SHISAL1: variants seen among roughly 807,000 people sequenced by gnomAD.
SHISAL1 encodes shisa like 1.
Under a neutral mutation model 22.6 loss-of-function variants are expected in SHISAL1, and 9 were observed. The observed-to-expected ratio is 0.40, with a 90% CI of 0.24 to 0.70. The LOEUF (loss-of-function observed/expected upper bound fraction) is 0.70, where lower values mean the gene tolerates loss of function less well. Ranked by LOEUF, SHISAL1 falls within the 30% of genes least tolerant of loss-of-function variation. SHISAL1 has a pLI of 0.39. For missense variants in SHISAL1, 246 were observed against 270.6 expected (o/e 0.91, Z 0.64); for synonymous variants, 119 against 115.4 (o/e 1.03, Z -0.20).
intron 3 of SHISAL1, among the ~76,000 whole-genome samples, chr22:44,295,963 C>T (rs1301882336): frequency 6.6e-6 from 1 of 152,172 alleles, no homozygotes; most frequent in Non-Finnish European, 1.5e-5. Context: ...AGGAAAAGAA[C>T]TGCATGGGAT....
intron 4 of SHISAL1, among the ~76,000 whole-genome samples, chr22:44,266,811 CT>C (rs1437081036): frequency 6.6e-6 from 1 of 152,134 alleles, no homozygotes; most frequent in Non-Finnish European, 1.5e-5. Flanking sequence ...GTCAGCTCCC[CT>C]GGTCTCCAGG....
intron 4 of SHISAL1, among the ~76,000 whole-genome samples, chr22:44,274,132 G>C (rs898397718): frequency 2.9e-5 from 4 of 139,230 alleles, no homozygotes; most frequent in Non-Finnish European, 4.5e-5. Context: ...TGTAATCCCA[G>C]CTACTCGGGA....
chr22:44,299,819 CAG>C (rs1345905239), intron 2 of SHISAL1, among the ~76,000 whole-genome samples: 5 of 150,484 alleles, frequency 3.3e-5, no homozygotes, highest in Non-Finnish European at 7.4e-5. Flanking sequence ...CAGACATAGA[CAG>C]AGACAGAGAC....
chr22:44,320,716 G>A, the SHISAL1 span, among the ~76,000 whole-genome samples: 30 of 152,292 alleles, frequency 2.0e-4, no homozygotes, highest in Middle Eastern at 3.4e-3. Flanking sequence ...GGCTGTCCGG[G>A]GCTCGACCCC....
At chr22:44,319,025 G>C in the SHISAL1 span, among the ~76,000 whole-genome samples, 6 of 152,388 alleles carry the variant, frequency 3.9e-5, no homozygotes, top group South Asian at 1.2e-3. Flanking sequence ...AAAGGGTCCC[G>C]TTGTACCATG....
intron 4 of SHISAL1, among the ~76,000 whole-genome samples, chr22:44,280,443 G>A (rs983235529): frequency 7.2e-5 from 11 of 152,148 alleles, no homozygotes; most frequent in South Asian, 2.1e-4. Context: ...AGTCCCCAGC[G>A]TGGGAGTGAC....
rs574578687 is a variant in SHISAL1, at chr22:44,258,991, C to A, written c.*-9306G>T. Reference sequence around the variant, plus strand: ...GGTGTGACCAGCTCAACATTCTGGACCCAAGGGTTGGAAACCAGAATGAAG... The same window carrying A: ...GGTGTGACCAGCTCAACATTCTGGAACCAAGGGTTGGAAACCAGAATGAAG... On this transcript the variant is annotated intron_variant, in intron 4 of 4. Coordinates refer to ENST00000381176, the MANE Select transcript of SHISAL1 (RefSeq NM_001099294.2). 2.0e-4 allele frequency among the ~76,000 whole-genome samples: 31 copies of A among 152,158 alleles called. No individual in the cohort carries two copies. In the South Asian group the frequency reaches 6.4e-3, roughly 32 times the overall value.
intron 4 of SHISAL1, among the ~76,000 whole-genome samples, chr22:44,267,147 T>A (rs1312328636): frequency 6.6e-6 from 1 of 152,064 alleles, no homozygotes; most frequent in Non-Finnish European, 1.5e-5. Context: ...GCAGCCCACA[T>A]CCGAGGCCAG....
intron 3 of SHISAL1, among the ~76,000 whole-genome samples, chr22:44,286,548 C>T (rs1370562247): frequency 2.6e-5 from 4 of 152,162 alleles, no homozygotes; most frequent in Admixed American, 6.5e-5. Context: ...CTTTCCCTGC[C>T]CCCTTCCTCC....
rs972905837 is a variant in SHISAL1, at chr22:44,283,270, G to A, written c.599+2158C>T. Among the ~76,000 whole-genome samples, 4 of 152,320 alleles carry A rather than the reference G, an allele frequency of 2.6e-5. No homozygotes were observed. In the South Asian group the frequency reaches 6.2e-4, roughly 24 times the overall value. On this transcript the variant is annotated intron_variant, in intron 4 of 4. Coordinates refer to ENST00000381176, the MANE Select transcript of SHISAL1 (RefSeq NM_001099294.2). ...ACCTTCCTGAGCCTGCACTCAGGAC[G>A]GTCAGGAAAGACGAAGAGCCTCTGA... is the stretch of plus-strand genomic sequence containing the variant.
intron 4 of SHISAL1, among the ~76,000 whole-genome samples, chr22:44,252,566 C>A (rs1756583349): frequency 6.9e-6 from 1 of 145,096 alleles, no homozygotes; most frequent in East Asian, 2.0e-4. Context: ...ACAATGATGA[C>A]AGAACTAAGA....
At chr22:44,271,682 C>G (rs2055206472) in intron 4 of SHISAL1, among the ~76,000 whole-genome samples, 1 of 152,194 alleles carries the variant, frequency 6.6e-6, no homozygotes, top group African/African-American at 2.4e-5. Flanking sequence ...TCGCTCTGCC[C>G]TGCAAAGCCT....
chr22:44,312,456 C>T (rs886685192), intron 1 of SHISAL1, among the ~76,000 whole-genome samples: 10 of 152,174 alleles, frequency 6.6e-5, no homozygotes, highest in African/African-American at 1.7e-4. Flanking sequence ...GGCACAGAGA[C>T]GGTCAGCAAC....
chr22:44,253,832 C>CTGTGTG (rs61001074), intron 4 of SHISAL1, among the ~76,000 whole-genome samples: 23,155 of 149,172 alleles, frequency 0.16, 1,814 homozygotes, highest in East Asian at 0.22. Flanking sequence ...AATCTAACAA[C>CTGTGTG]TGTGTGTGTG....
At chr22:44,254,355 T>G (rs2055070107) in intron 4 of SHISAL1, among the ~76,000 whole-genome samples, 1 of 152,108 alleles carries the variant, frequency 6.6e-6, no homozygotes, top group African/African-American at 2.4e-5. Flanking sequence ...CTTTTTTTAA[T>G]GTTTAAATTA....
chr22:44,270,533 G>A (rs911687672), intron 4 of SHISAL1, among the ~76,000 whole-genome samples: 4 of 152,166 alleles, frequency 2.6e-5, no homozygotes, highest in African/African-American at 9.7e-5. Context: ...GGTCCAGAGG[G>A]GGACCTTGGA....
chr22:44,257,658 A>G (rs567361733), intron 4 of SHISAL1, among the ~76,000 whole-genome samples: 1 of 152,356 alleles, frequency 6.6e-6, no homozygotes, highest in South Asian at 2.1e-4. Context: ...AAGCCATCAA[A>G]TCAGCCAAAC....
At chr22:44,304,673 A>C (rs1196749233) in intron 1 of SHISAL1, among the ~76,000 whole-genome samples, 1 of 152,192 alleles carries the variant, frequency 6.6e-6, no homozygotes, top group Non-Finnish European at 1.5e-5. Flanking sequence ...GAGGTCAAGC[A>C]TCTGGGAGTG....
rs1248839319 is a variant in SHISAL1 at position 44,312,893 on chromosome 22, A to G, written c.-175T>C. 1.3e-5 allele frequency: 2 copies of G among 152,330 alleles called. No homozygotes were observed. Among genetic ancestry groups the G allele is most frequent in the Non-Finnish European group, 1.5e-5 (1 of 68,094 alleles). The allele number at this position is 152,330 out of a possible 1,614,324, so 9.4% of individuals were successfully genotyped here. A position where few individuals can be genotyped will look rare whatever the true frequency, so the allele number is the denominator to read the frequency against. ...AGAGCAACTTGGTCGAGCCTTGTAT[A>G]GGCAAAAGAGTGTTTTCCAGCGCAG... On this transcript the variant is annotated 5_prime_UTR_variant, in exon 1 of 5. Transcript: ENST00000381176.
Sources: gnomAD v4.1 joint callset for allele counts (sites outside exome capture counted in the v4.1 genomes callset) on GRCh38, gnomAD v4.1.1 for gene constraint, MANE v1.5 for transcripts, NCBI Gene and HGNC (gene_info 2026-07-23, HGNC 2026-07-21) for gene names.